Variants in XPO4 observed in about 807,000 individuals in gnomAD.
XPO4 encodes exportin-4.
In XPO4, 39 loss-of-function variants were observed where a neutral mutation model predicts 143.0. The ratio of observed to expected loss-of-function variants is 0.27; its 90% CI spans 0.21 to 0.36. The LOEUF (loss-of-function observed/expected upper bound fraction) is 0.36. Ranked by LOEUF, XPO4 falls within the 10% of genes least tolerant of loss-of-function variation. The pLI is 1.00. For synonymous variants in XPO4, 439 were observed against 474.0 expected (o/e 0.93, Z 0.96); for missense variants, 907 against 1,348.0 (o/e 0.67, Z 5.12).
intron 18 of XPO4, among the ~76,000 whole-genome samples, chr13:20,791,951 A>G (rs959011639): frequency 6.6e-6 from 1 of 152,194 alleles, no homozygotes; most frequent in African/African-American, 2.4e-5. Context: ...TTCCCTGCAC[A>G]TCATACTGGT....
At chr13:20,824,408 T>C (rs935839064) in intron 7 of XPO4, among the ~76,000 whole-genome samples, 26 of 152,148 alleles carry the variant, frequency 1.7e-4, no homozygotes, top group Non-Finnish European at 3.1e-4. Flanking sequence ...CAATCTTGAA[T>C]GTTCATTATG....
At chr13:20,812,864 T>G (rs920064539) in intron 9 of XPO4, among the ~76,000 whole-genome samples, 4 of 151,838 alleles carry the variant, frequency 2.6e-5, no homozygotes, top group African/African-American at 9.7e-5. Context: ...TACAGAATTA[T>G]TCCATATTTT....
At chr13:20,889,127 T>C (rs988307641) in intron 1 of XPO4, among the ~76,000 whole-genome samples, 16 of 152,238 alleles carry the variant, frequency 1.1e-4, no homozygotes, top group African/African-American at 3.9e-4. Flanking sequence ...GACACTCTTT[T>C]TGTGTTCTTC....
At chr13:20,812,478 T>C (rs998720497) in intron 9 of XPO4, among the ~76,000 whole-genome samples, 5 of 151,950 alleles carry the variant, frequency 3.3e-5, no homozygotes, top group Non-Finnish European at 5.9e-5. Context: ...TTAAAGAATT[T>C]AGAAGAAAAC....
intron 16 of XPO4, among the ~76,000 whole-genome samples, chr13:20,798,198 C>T (rs1042305231): frequency 3.3e-5 from 5 of 151,934 alleles, no homozygotes; most frequent in African/African-American, 4.8e-5. Flanking sequence ...GAGGTCATAC[C>T]GGAATAGGGT....
chr13:20,901,998 T>C, intron 1 of XPO4: 1 of 838,110 alleles, frequency 1.2e-6, no homozygotes, highest in Non-Finnish European at 1.4e-6. Context: ...TCAAACTGCT[T>C]ATTGTAGTGT....
intron 3 of XPO4, among the ~76,000 whole-genome samples, chr13:20,862,299 TCAA>T (rs990264784): frequency 2.0e-5 from 3 of 152,044 alleles, no homozygotes; most frequent in Middle Eastern, 3.4e-3. Context: ...TCTTCACAAC[TCAA>T]CAACAACAAC....
chr13:20,823,286 A>C lies in XPO4; in HGVS notation c.841-997T>G, dbSNP rs189202291. Reference sequence around the variant, plus strand: ...CTTTGACTAGGCAAATTGTTTCTAAATTACTTCAGGTCAGAACATTTAAGT... The same window carrying C: ...CTTTGACTAGGCAAATTGTTTCTAACTTACTTCAGGTCAGAACATTTAAGT... On this transcript the variant is annotated intron_variant, in intron 7 of 22. Transcript: ENST00000255305. 2.0e-5 allele frequency among the ~76,000 whole-genome samples: 3 copies of C among 151,940 alleles called. No homozygotes were observed. The East Asian group carries it at 5.8e-4, about 29-fold the overall frequency.
intron 9 of XPO4, 36 bp from the exon 10 acceptor site, chr13:20,810,003 G>A: frequency 6.5e-7 from 1 of 1,539,204 alleles, no homozygotes; most frequent in Non-Finnish European, 8.8e-7. Flanking sequence ...CAAATGTCCA[G>A]AGAACGACAA....
intron 20 of XPO4, 78 bp downstream of exon 20, chr13:20,788,408 A>C (rs753889608): frequency 9.6e-5 from 147 of 1,534,790 alleles, no homozygotes; most frequent in Non-Finnish European, 1.3e-4. Flanking sequence ...TGAAAAATGT[A>C]AACTTAAAAA....
At chr13:20,800,055 C>T (rs1490202093) in intron 15 of XPO4, 101 bp downstream of exon 15, 2 of 1,330,740 alleles carry the variant, frequency 1.5e-6, no homozygotes, top group Non-Finnish European at 2.0e-6. Context: ...GAATTAGGAC[C>T]GTGTAACCAT....
chr13:20,782,146 A>T lies in XPO4; in HGVS notation c.*1576T>A, dbSNP rs2059150243. ...TGCTCCAGTTTTGTTAACTGTTAAT[A>T]ACACAGAATTATACAAAGTTTTGCA... is the stretch of plus-strand genomic sequence containing the variant. On this transcript the variant is annotated 3_prime_UTR_variant, in exon 23 of 23. Coordinates refer to ENST00000255305, the MANE Select transcript of XPO4 (RefSeq NM_022459.5). 6.6e-6 allele frequency: 1 copy of T among 152,274 alleles called. No individual in the cohort carries two copies. The highest frequency in any genetic ancestry group is 2.4e-5 in the African/African-American group (1 of 41,474). 9.4% of individuals were successfully genotyped at this position (152,274 alleles called of 1,614,324 possible).
chr13:20,794,699 C>G (rs759642633), intron 18 of XPO4, among the ~76,000 whole-genome samples: 17 of 152,282 alleles, frequency 1.1e-4, no homozygotes, highest in Non-Finnish European at 2.2e-4. Flanking sequence ...CGACTGCACT[C>G]TAGCCTGGAT....
chr13:20,900,110 G>A (rs987682181), intron 1 of XPO4, among the ~76,000 whole-genome samples: 3 of 152,208 alleles, frequency 2.0e-5, no homozygotes, highest in Non-Finnish European at 4.4e-5. Context: ...TAACACGCCA[G>A]GTGCAGTGGC....
At chr13:20,796,285 G>A (rs1595062172) in intron 17 of XPO4, 29 bp from the exon 18 acceptor site, 1 of 1,520,552 alleles carries the variant, frequency 6.6e-7, no homozygotes, top group Non-Finnish European at 8.8e-7. Context: ...CACAAATTAT[G>A]CTACTTGGTA....
At chr13:20,897,574 T>C (rs1181826653) in intron 1 of XPO4, among the ~76,000 whole-genome samples, 1 of 152,196 alleles carries the variant, frequency 6.6e-6, no homozygotes, top group African/African-American at 2.4e-5. Context: ...GAAAAGAAGG[T>C]GCTTCTTCTG....
chr13:20,835,724 T>C (rs2059907355), intron 6 of XPO4, among the ~76,000 whole-genome samples: 1 of 152,208 alleles, frequency 6.6e-6, no homozygotes, highest in Non-Finnish European at 1.5e-5. Context: ...AGGTTTGAAC[T>C]GCACAGGTCC....
chr13:20,803,702 A>G lies in XPO4; in HGVS notation c.1818-2712T>C, dbSNP rs1440366101. Among the ~76,000 whole-genome samples, 1 of 151,666 alleles carries G rather than the reference A, an allele frequency of 6.6e-6. No individual in the cohort carries two copies. Among genetic ancestry groups the G allele is most frequent in the Non-Finnish European group, 1.5e-5 (1 of 67,908 alleles). On this transcript the variant is annotated intron_variant, in intron 13 of 22. Transcript: ENST00000255305. This position sits in a 1 kb window ranked among gnomAD's most constrained non-coding sequence, Gnocchi z 4.1. ...CCCACAGCAACCTCCCTGCCTCTCC[A>G]CCCTCATCCCCCCACCAAAGCTATC...
At chr13:20,842,799 G>A (rs1436956951) in intron 6 of XPO4, 96 bp downstream of exon 6, 43 of 1,127,010 alleles carry the variant, frequency 3.8e-5, no homozygotes, top group Non-Finnish European at 4.8e-6. Context: ...CTTTCAATAT[G>A]TTTTATGAAA....
Sources: allele counts gnomAD v4.1 joint callset (sites outside exome capture counted in the v4.1 genomes callset), GRCh38; gene constraint gnomAD v4.1.1; non-coding constraint Gnocchi (gnomAD v3.1); transcripts MANE v1.5; gene names NCBI Gene and HGNC (gene_info 2026-07-23, HGNC 2026-07-21).